Variants in BFSP1 observed in about 807,000 individuals in gnomAD.
BFSP1 encodes filensin.
A neutral mutation model predicts 43.9 loss-of-function variants in BFSP1; 38 were observed. That is an observed-to-expected ratio of 0.87 (90% confidence interval 0.67 to 1.14). The LOEUF (loss-of-function observed/expected upper bound fraction) is 1.14, where lower values mean the gene tolerates loss of function less well. BFSP1 is among the 50% of genes most tolerant of loss of function. BFSP1 has a pLI of 0.00. For missense variants in BFSP1, 850 were observed against 875.1 expected, an observed-to-expected ratio of 0.97 and a Z score of 0.36; for synonymous variants, 352 against 354.8, an observed-to-expected ratio of 0.99 and a Z score of 0.09.
chr20:17,559,005 C>T (rs2035040942), upstream of BFSP1: 1 of 306,204 alleles, frequency 3.3e-6, no homozygotes, highest in African/African-American at 2.2e-5. Context: ...AATTTAGTGA[C>T]CACTCACCTC....
In BFSP1 at chr20:17,526,809, TAACA is replaced by T. The variant is rs202212684; in HGVS notation, c.378-1905_378-1902del. 8.1e-4 allele frequency among the ~76,000 whole-genome samples: 123 copies of T among 152,376 alleles called. 1 individual carries two copies. In the East Asian group the frequency reaches 0.024, roughly 29 times the overall value. ...AACAGTCCATAATTTCTCCACATCC[TAACA>T]AACACTTATTTTCTGTTGTTTTTTG... On this transcript the variant is annotated intron_variant, in intron 1 of 7. Transcript: ENST00000377873.
At chr20:17,564,295 A>G (rs2035096152) in intron 1 of BFSP1, among the ~76,000 whole-genome samples, 1 of 150,720 alleles carries the variant, frequency 6.6e-6, no homozygotes, top group Non-Finnish European at 1.5e-5. Flanking sequence ...TGAGCCCAGG[A>G]GGTCAAGGCT....
chr20:17,497,699 C>T (rs932077362), intron 6 of BFSP1, among the ~76,000 whole-genome samples: 4 of 151,138 alleles, frequency 2.6e-5, no homozygotes, highest in African/African-American at 9.7e-5. Flanking sequence ...TGTACACACA[C>T]ACATCATATA....
intron 1 of BFSP1, among the ~76,000 whole-genome samples, chr20:17,553,907 G>C (rs1357874796): frequency 8.0e-6 from 1 of 124,912 alleles, no homozygotes; most frequent in African/African-American, 2.9e-5. Flanking sequence ...ATTTCTGATG[G>C]CAAGTCTGAG....
intron 4 of BFSP1, among the ~76,000 whole-genome samples, chr20:17,509,822 G>A (rs1261651308): frequency 6.6e-6 from 1 of 152,106 alleles, no homozygotes; most frequent in East Asian, 1.9e-4. Flanking sequence ...TGCCAAGCAG[G>A]TCCCTCTCTC....
intron 1 of BFSP1, among the ~76,000 whole-genome samples, chr20:17,553,312 A>G (rs2034924959): frequency 6.6e-6 from 1 of 152,212 alleles, no homozygotes; most frequent in Non-Finnish European, 1.5e-5. Context: ...GGAAGAAACT[A>G]TGAGGATGAA....
chr20:17,522,166 C>A (rs147624343), intron 2 of BFSP1, among the ~76,000 whole-genome samples: 1 of 152,098 alleles, frequency 6.6e-6, no homozygotes. Flanking sequence ...TGAGTAATAC[C>A]GGTTCCCTGA....
intron 7 of BFSP1, among the ~76,000 whole-genome samples, chr20:17,496,680 C>G (rs1365115754): frequency 6.6e-6 from 1 of 152,162 alleles, no homozygotes; most frequent in African/African-American, 2.4e-5. Flanking sequence ...TATAAAAATA[C>G]AAAATAAATG....
chr20:17,494,865 C>G lies in BFSP1; in HGVS notation c.1207G>C (p.Val403Leu). 1 of 1,614,230 alleles carries G rather than the reference C, an allele frequency of 6.2e-7. No homozygotes were observed. The change falls in exon 8 of 8, where the codon GTA (valine) becomes CTA (leucine). Residue 403 changes from valine to leucine, a missense_variant. Physicochemically the swap from Val to Leu is conservative, Grantham distance 32 (BLOSUM62 1). Transcript: ENST00000377873. The part of the protein sequence containing the change: ...GLEDTKLVQV[V>L]LKEESESKFE... ...TTAGATTCACTTTCCTCTTTAAGTA[C>G]CACCTGTACCAGCTTTGTGTCTTCC...
chr20:17,526,148 G>C lies in BFSP1; in HGVS notation c.378-1240C>G, dbSNP rs562793731. 7.0e-5 allele frequency among the ~76,000 whole-genome samples: 7 copies of C among 100,096 alleles called. 1 individual carries two copies. Among genetic ancestry groups the C allele is most frequent in the Admixed American group, 1.9e-4 (2 of 10,584 alleles). 65.7% of individuals were successfully genotyped at this position (100,096 alleles called of 152,430 possible). On this transcript the variant is annotated intron_variant, in intron 1 of 7. Transcript: ENST00000377873. ...CTGTTTTTTTCTGTATGGCGGGGGG[G>C]GGGGGGGGGGGGCTGGTAAAATATG...
rs376541137 is a variant in BFSP1, at chr20:17,525,844, T to G, written c.378-936A>C. Among the ~76,000 whole-genome samples the G allele has an allele frequency of 1.3e-5, 2 of 152,110 alleles. No individual in the cohort carries two copies. The highest frequency in any genetic ancestry group is 1.9e-4 in the East Asian group (1 of 5,184). The stretch of plus-strand genomic sequence containing the variant: ...TTGCAGCCAGGTGTGGCCATGTGAC[T>G]AAGTCCTGACCAATGGGATGGAAGC... On this transcript the variant is annotated intron_variant, in intron 1 of 7. Transcript: ENST00000377873. The surrounding 1 kb of genome is among the most constrained non-coding windows in gnomAD (Gnocchi z 4.2).
At chr20:17,551,134 C>A (rs959406388) in intron 1 of BFSP1, among the ~76,000 whole-genome samples, 2 of 152,314 alleles carry the variant, frequency 1.3e-5, no homozygotes, top group Admixed American at 6.5e-5. Flanking sequence ...ACTTGCATTG[C>A]TATAAATACC....
chr20:17,560,110 G>A (rs915714939), upstream of BFSP1, among the ~76,000 whole-genome samples: 6 of 151,738 alleles, frequency 4.0e-5, no homozygotes, highest in African/African-American at 7.3e-5. Flanking sequence ...TGCTACCCCC[G>A]AGAAGACAGG....
chr20:17,502,987 G>A (rs1212046950), intron 5 of BFSP1, among the ~76,000 whole-genome samples: 1 of 152,188 alleles, frequency 6.6e-6, no homozygotes, highest in Non-Finnish European at 1.5e-5. Flanking sequence ...CATGTGTTGA[G>A]GGATGGGGCG....
At chr20:17,516,970 T>C in intron 2 of BFSP1, 3 of 757,644 alleles carry the variant, frequency 4.0e-6, no homozygotes, top group Non-Finnish European at 7.2e-6. Flanking sequence ...CAGTAAAGAC[T>C]GATCTTTGCT....
chr20:17,537,881 G>T (rs1425343542), intron 1 of BFSP1, among the ~76,000 whole-genome samples: 1 of 152,124 alleles, frequency 6.6e-6, no homozygotes, highest in Non-Finnish European at 1.5e-5. Flanking sequence ...ACTTTGGGAG[G>T]TCGAGGCAGG....
intron 5 of BFSP1, among the ~76,000 whole-genome samples, chr20:17,502,881 G>GGGATTGAA (rs1217592023): frequency 6.6e-6 from 1 of 152,166 alleles, no homozygotes; most frequent in Non-Finnish European, 1.5e-5. Context: ...AAGGAATATG[G>GGGATTGAA]GGATTGAAAA....
chr20:17,547,172 A>G (rs1257357193), intron 1 of BFSP1, among the ~76,000 whole-genome samples: 1 of 145,662 alleles, frequency 6.9e-6, no homozygotes, highest in Non-Finnish European at 1.6e-5. Flanking sequence ...TTGTCTCTGT[A>G]AAAAATTAAA....
chr20:17,517,556 T>A (rs2034226530), intron 2 of BFSP1, among the ~76,000 whole-genome samples: 2 of 152,174 alleles, frequency 1.3e-5, no homozygotes, highest in East Asian at 3.8e-4. Context: ...AGTGCTGGGA[T>A]TACAGGTGTG....
Sources: allele counts gnomAD v4.1 joint callset (sites outside exome capture counted in the v4.1 genomes callset), GRCh38; gene constraint gnomAD v4.1.1; non-coding constraint Gnocchi (gnomAD v3.1); transcripts MANE v1.5; gene names NCBI Gene and HGNC (gene_info 2026-07-23, HGNC 2026-07-21).